The following FREM2 variants were observed in gnomAD, a reference collection of about 807,000 sequenced individuals.
FREM2 encodes FRAS1-related extracellular matrix protein 2.
FREM2 carries 119 observed loss-of-function variants against 219.9 expected under a neutral mutation model. That is an observed-to-expected ratio of 0.54 (90% CI 0.47 to 0.63). The LOEUF (loss-of-function observed/expected upper bound fraction) is 0.63. FREM2 is among the 30% of genes least tolerant of loss of function. The pLI, the probability that FREM2 is intolerant of heterozygous loss-of-function variation, is 0.00. For synonymous variants in FREM2, 1,562 were observed against 1,522.8 expected, an observed-to-expected ratio of 1.03 and a Z score of -0.60; for missense variants, 4,030 against 3,993.6, an observed-to-expected ratio of 1.01 and a Z score of -0.25.
At chr13:38,877,757 T>C (rs558718321) in intron 21 of FREM2, among the ~76,000 whole-genome samples, 1 of 152,382 alleles carries the variant, frequency 6.6e-6, no homozygotes, top group East Asian at 1.9e-4. Flanking sequence ...TATTGATACT[T>C]TCTTTCTTAG....
intron 6 of FREM2, among the ~76,000 whole-genome samples, chr13:38,813,660 A>G (rs573227801): frequency 4.5e-4 from 64 of 141,686 alleles, no homozygotes; most frequent in Middle Eastern, 4.1e-3. Context: ...TTGATTATTA[A>G]ATGCCTTGAG....
rs1267324541 is a variant in FREM2 at position 38,689,190 on chromosome 13, C to T, written c.1846C>T (p.His616Tyr). The T allele has an allele frequency of 6.2e-7, 1 of 1,614,086 alleles. No individual in the cohort carries two copies. The highest frequency in any genetic ancestry group is 1.7e-5 in the Admixed American group (1 of 60,026). ...GGGGCATCTGCTTCTCCGCCAAACT[C>T]ACCCTCCCCATGAGAAGCAGGAACT... The part of the protein sequence containing the change: ...TTGHLLLRQT[H>Y]PPHEKQELLR... The change falls in exon 1 of 24, where the codon CAC becomes TAC. Residue 616 changes from histidine (H) to tyrosine (Y), a missense_variant. His to Tyr is a moderately conservative substitution (Grantham distance 83). This residue lies in a region of FREM2 where 3,102 missense variants were observed against 2,950.7 expected (regional missense o/e 1.05). Transcript: ENST00000280481.
intron 3 of FREM2, among the ~76,000 whole-genome samples, chr13:38,765,148 A>G (rs1449491216): frequency 6.6e-6 from 1 of 152,078 alleles, no homozygotes; most frequent in Non-Finnish European, 1.5e-5. Context: ...CTGACCTCGT[A>G]ATCTGCCCAC....
At chr13:38,791,522 A>G (rs891212865) in intron 6 of FREM2, among the ~76,000 whole-genome samples, 21 of 152,206 alleles carry the variant, frequency 1.4e-4, no homozygotes, top group Non-Finnish European at 2.9e-5. Context: ...ACAGTTCCAC[A>G]TGCCCGGGAA....
rs56270131 is a variant in FREM2, at chr13:38,754,901, G to GATGATGATTATTATTATTATTATT, written c.5264-9401_5264-9400insGATGATTATTATTATTATTATTAT. Among the ~76,000 whole-genome samples, 521 of 128,624 alleles carry GATGATGATTATTATTATTATTATT rather than the reference G, an allele frequency of 4.1e-3. 3 individuals are homozygous for GATGATGATTATTATTATTATTATT. Among genetic ancestry groups the GATGATGATTATTATTATTATTATT allele is most frequent in the Non-Finnish European group, 6.3e-3 (393 of 62,230 alleles). 84.4% of individuals were successfully genotyped at this position (128,624 alleles called of 152,430 possible). On this transcript the variant is annotated intron_variant, in intron 2 of 23. Coordinates refer to ENST00000280481, the MANE Select transcript of FREM2 (RefSeq NM_207361.6). The stretch of plus-strand genomic sequence containing the variant: ...TGATGATGATGATGATGATGATGAT[G>GATGATGATTATTATTATTATTATT]ATTATTATTATTATTATTAGAGATG...
intron 2 of FREM2, among the ~76,000 whole-genome samples, chr13:38,723,956 G>A (rs11147727): frequency 0.051 from 7,786 of 152,248 alleles, 641 homozygotes; most frequent in African/African-American, 0.17. Flanking sequence ...AAGGATGCAA[G>A]CCAAGAGTAC....
chr13:38,800,128 A>C (rs1245396814), intron 6 of FREM2, among the ~76,000 whole-genome samples: 2 of 151,806 alleles, frequency 1.3e-5, no homozygotes, highest in Admixed American at 1.3e-4. Context: ...TCTTTTCCTC[A>C]TTTGTAAGTT....
chr13:38,886,744 C>T lies in FREM2; in HGVS notation c.*5957C>T, dbSNP rs975664422. ...TAAAAGAAAACTCTTGGACAAGGAG[C>T]TTTGTGTTTTATAATTGTATTACGT... On this transcript the variant is annotated 3_prime_UTR_variant, in exon 24 of 24. Transcript: ENST00000280481. The T allele has an allele frequency of 6.6e-6, 1 of 152,142 alleles. No individual in the cohort carries two copies. The highest frequency in any genetic ancestry group is 1.5e-5 in the Non-Finnish European group (1 of 68,028). 9.4% of individuals were successfully genotyped at this position (152,142 alleles called of 1,614,324 possible). A position where few individuals can be genotyped will look rare whatever the true frequency, so the allele number is the denominator to read the frequency against.
At chr13:38,825,241 CT>C (rs1388139962) in intron 6 of FREM2, among the ~76,000 whole-genome samples, 2 of 152,122 alleles carry the variant, frequency 1.3e-5, no homozygotes, top group Non-Finnish European at 2.9e-5. Context: ...AGGGCTGTGT[CT>C]TTATCATATC....
intron 2 of FREM2, among the ~76,000 whole-genome samples, chr13:38,754,901 G>GATGATGATGATTATT (rs56270131): frequency 1.9e-4 from 25 of 128,664 alleles, no homozygotes; most frequent in South Asian, 5.7e-4. Flanking sequence ...TGATGATGAT[G>GATGATGATGATTATT]ATTATTATTA....
At chr13:38,699,819 A>T (rs966117853) in intron 2 of FREM2, among the ~76,000 whole-genome samples, 13 of 152,114 alleles carry the variant, frequency 8.5e-5, no homozygotes, top group Non-Finnish European at 1.6e-4. Context: ...GGATTTTTGC[A>T]TTGCCGTATA....
Position 38,857,989 on chromosome 13 carries a change from G to C in FREM2, c.7171G>C (p.Glu2391Gln), listed in dbSNP as rs780938547. Residue 2391 changes from glutamate (E) to glutamine (Q), a missense_variant, in exon 13 of 24, where the codon GAG becomes CAG. This residue lies in a region of FREM2 where 928 missense variants were observed against 1,042.9 expected (regional missense o/e 0.89). Transcript: ENST00000280481. ...LMYDDTSKAK[E>Q]SAEPMSGYPV... ...GTATGACGACACTTCCAAAGCTAAG[G>C]AGAGTGCTGAACCCATGTCTGGCTA... 1 of 1,614,056 alleles carries C rather than the reference G, an allele frequency of 6.2e-7. No homozygotes were observed. Among genetic ancestry groups the C allele is most frequent in the Admixed American group, 1.7e-5 (1 of 60,010 alleles).
At chr13:38,769,849 G>C (rs769638358) in intron 4 of FREM2, 41 bp downstream of exon 4, 2 of 1,477,570 alleles carry the variant, frequency 1.4e-6, no homozygotes, top group South Asian at 2.3e-5. Flanking sequence ...TTGCTGTTGG[G>C]CTGCTATGAC....
chr13:38,687,518 T>C lies in FREM2; in HGVS notation c.174T>C (p.Pro58=). The change falls in exon 1 of 24, where the codon CCT becomes CCC. Residue 58 remains proline, a synonymous_variant. Transcript: ENST00000280481. The stretch of plus-strand genomic sequence containing the variant: ...CCTTCGGCAGGGCGTTGCTGTCCCC[T>C]GGTCTCGCGGGGGCTGCAGGGGTCC... ...PAAFGRALLS[P]GLAGAAGVPA... The C allele has an allele frequency of 6.3e-7, 1 of 1,598,128 alleles. No individual in the cohort carries two copies. Among genetic ancestry groups the C allele is most frequent in the Non-Finnish European group, 8.5e-7 (1 of 1,172,740 alleles).
At chr13:38,870,048 C>A (rs1878106227) in intron 16 of FREM2, among the ~76,000 whole-genome samples, 1 of 152,136 alleles carries the variant, frequency 6.6e-6, no homozygotes, top group Non-Finnish European at 1.5e-5. Context: ...TTATAATGTA[C>A]TTATCAGAAG....
At chr13:38,782,075 A>G (rs1338598307) in intron 4 of FREM2, among the ~76,000 whole-genome samples, 1 of 152,226 alleles carries the variant, frequency 6.6e-6, no homozygotes. Context: ...CCCATTTGTC[A>G]GCTCCTGGGG....
rs768581796 is a variant in FREM2, at chr13:38,688,316, C to T, written c.972C>T (p.Ala324=). The change falls in exon 1 of 24, where the codon GCC becomes GCT. Residue 324 remains alanine (A), a synonymous_variant. Transcript: ENST00000280481. The part of the protein sequence containing the change: ...ENTAPKPSFV[A]MMMMEVDQFV... ...CTGCACCCAAGCCCAGTTTCGTGGC[C>T]ATGATGATGATGGAGGTGGACCAGT... The T allele has an allele frequency of 2.5e-6, 4 of 1,614,166 alleles. No homozygotes were observed. In the South Asian group the frequency reaches 4.4e-5, roughly 18 times the overall value.
chr13:38,859,042 A>T (rs1052770583), intron 13 of FREM2, among the ~76,000 whole-genome samples: 2 of 152,180 alleles, frequency 1.3e-5, no homozygotes, highest in African/African-American at 4.8e-5. Context: ...GATTCAAGAG[A>T]TTATGGTATA....
intron 2 of FREM2, among the ~76,000 whole-genome samples, chr13:38,751,148 T>C (rs561918483): frequency 6.6e-6 from 1 of 152,164 alleles, no homozygotes; most frequent in South Asian, 2.1e-4. Flanking sequence ...TAATATTCTT[T>C]GAATATATAC....
Sources: gnomAD v4.1 joint callset for allele counts (sites outside exome capture counted in the v4.1 genomes callset) on GRCh38, gnomAD v4.1.1 for gene constraint, gnomAD v4.1.1 regional missense constraint, MANE v1.5 for transcripts, NCBI Gene and HGNC (gene_info 2026-07-23, HGNC 2026-07-21) for gene names.